FRAS1: variants seen among roughly 807,000 people sequenced by gnomAD.
The protein encoded by FRAS1 is Fraser extracellular matrix complex subunit 1, also known as extracellular matrix organizing protein FRAS1.
In FRAS1, 290 loss-of-function variants were observed where a neutral mutation model predicts 435.2. The ratio of observed to expected loss-of-function variants is 0.67; its 90% CI spans 0.61 to 0.73. FRAS1 has a LOEUF of 0.73. Ranked by LOEUF, FRAS1 falls within the 30% of genes least tolerant of loss-of-function variation. The pLI is 0.00. For missense variants in FRAS1, 4,860 were observed against 5,001.5 expected (o/e 0.97, Z 0.85); for synonymous variants, 1,800 against 1,851.0 (o/e 0.97, Z 0.71).
At position 78,341,131 on chromosome 4, in the gene FRAS1, A is replaced by T. The variant is rs186774856; in HGVS notation, c.2422+3314A>T. On this transcript the variant is annotated intron_variant, in intron 20 of 73. Transcript: ENST00000512123. ...GGAGTGTGTGTATGTGAGTGTGTGG[A>T]GTGGGTATGAAAGCTTTCCGGAGGA... Among the ~76,000 whole-genome samples, 3 of 152,228 alleles carry T rather than the reference A, an allele frequency of 2.0e-5. No homozygotes were observed. The East Asian group carries it at 5.8e-4, about 29-fold the overall frequency.
chr4:78,307,677 G>A (rs1445247460), intron 14 of FRAS1, among the ~76,000 whole-genome samples: 2 of 152,230 alleles, frequency 1.3e-5, no homozygotes, highest in African/African-American at 2.4e-5. Flanking sequence ...GACCCCTTGC[G>A]CTTCCCAGGT....
chr4:78,482,514 A>T lies in FRAS1; in HGVS notation c.8731A>T (p.Ile2911Phe). The change falls in exon 58 of 74, where the codon ATT becomes TTT. Residue 2911 changes from isoleucine to phenylalanine, a missense_variant. Physicochemically the swap from Ile to Phe is conservative, Grantham distance 21 (BLOSUM62 0). Coordinates refer to ENST00000512123, the MANE Select transcript of FRAS1 (RefSeq NM_025074.7). ...CAAACCCTTCCAGGCAGTCATTGCA[A>T]TTAATGACACATTCCAAGATGGTAA... is the stretch of plus-strand genomic sequence containing the variant. ...LTKPFQAVIA[I>F]NDTFQDVPSM... 1.2e-6 allele frequency: 2 copies of T among 1,613,854 alleles called. No homozygotes were observed. The highest frequency in any genetic ancestry group is 1.7e-6 in the Non-Finnish European group (2 of 1,179,824).
intron 2 of FRAS1, among the ~76,000 whole-genome samples, chr4:78,126,011 C>G (rs1719331599): frequency 2.0e-5 from 3 of 152,314 alleles, no homozygotes; most frequent in East Asian, 3.9e-4. Flanking sequence ...AGGCAGTAGG[C>G]CTTGCTGAGC....
chr4:78,540,450 T>C, intron 73 of FRAS1, 81 bp from the exon 74 acceptor site: 1 of 824,276 alleles, frequency 1.2e-6, no homozygotes. Flanking sequence ...TCAAGGCATA[T>C]AGTGGCAATT....
intron 2 of FRAS1, among the ~76,000 whole-genome samples, chr4:78,189,138 T>A (rs1722416576): frequency 6.6e-6 from 1 of 152,212 alleles, no homozygotes; most frequent in South Asian, 2.1e-4. Flanking sequence ...TCTGACATAT[T>A]TACCTGTAAG....
At chr4:78,260,023 T>G (rs568778197) in intron 6 of FRAS1, among the ~76,000 whole-genome samples, 3 of 152,156 alleles carry the variant, frequency 2.0e-5, no homozygotes, top group African/African-American at 7.2e-5. Context: ...GTTGTAGATA[T>G]GCGGAGTTAT....
intron 2 of FRAS1, among the ~76,000 whole-genome samples, chr4:78,114,411 T>C (rs1248112246): frequency 6.6e-6 from 1 of 152,224 alleles, no homozygotes; most frequent in Non-Finnish European, 1.5e-5. Context: ...ATCTATAAAT[T>C]ACCTTGGGAA....
chr4:78,422,961 G>C lies in FRAS1; in HGVS notation c.4678+961G>C, dbSNP rs989028. 9.1e-3 allele frequency among the ~76,000 whole-genome samples: 1,377 copies of C among 151,836 alleles called. 21 individuals are homozygous for C. Among genetic ancestry groups the C allele is most frequent in the African/African-American group, 0.032 (1,320 of 41,372 alleles). ...CCTTTTTAATGGAAGGAAAGTCTGA[G>C]TGGAAGAATAACTAAGTTTCTCATT... On this transcript the variant is annotated intron_variant, in intron 34 of 73. Transcript: ENST00000512123.
chr4:78,363,380 A>G (rs1202082155), intron 20 of FRAS1, 133 bp from the exon 21 acceptor site: 26 of 849,320 alleles, frequency 3.1e-5, no homozygotes, highest in Non-Finnish European at 4.0e-5. Flanking sequence ...ACTGATATAC[A>G]CTGCCTTTGG....
chr4:78,303,175 C>T lies in FRAS1; in HGVS notation c.1535-4891C>T, dbSNP rs527570007. On this transcript the variant is annotated intron_variant, in intron 14 of 73. Transcript: ENST00000512123. ...CAAAGATAAGATAGTTGTAGATATG[C>T]GGCATTATTTCTGAGGGCTCTGTTC... is the stretch of plus-strand genomic sequence containing the variant. 2.7e-4 allele frequency among the ~76,000 whole-genome samples: 41 copies of T among 152,110 alleles called. No individual in the cohort carries two copies. In the South Asian group the frequency reaches 7.1e-3, roughly 26 times the overall value.
At chr4:78,460,897 A>C (rs1431061639) in intron 47 of FRAS1, among the ~76,000 whole-genome samples, 6 of 152,222 alleles carry the variant, frequency 3.9e-5, no homozygotes, top group Non-Finnish European at 8.8e-5. Flanking sequence ...TGCTCAATAG[A>C]ACCTCTTAGG....
intron 30 of FRAS1, among the ~76,000 whole-genome samples, chr4:78,403,174 C>T (rs1732963851): frequency 6.6e-6 from 1 of 152,030 alleles, no homozygotes; most frequent in African/African-American, 2.4e-5. Flanking sequence ...AATTCTCTAC[C>T]TTTATCTTCA....
chr4:78,317,533 T>G (rs768784641), intron 17 of FRAS1, 25 bp downstream of exon 17: 1 of 1,596,530 alleles, frequency 6.3e-7, no homozygotes, highest in Non-Finnish European at 8.5e-7. Flanking sequence ...ACCATCATTC[T>G]TGAGAGGCTA....
rs1283663059 is a variant in FRAS1, at chr4:78,442,112, G to C, written c.5665+815G>C. ...GTGTCTGGGGCCAGCATGGGGCCTG[G>C]GATTTCAGCCTGGTAACCAGAAATT... is the stretch of plus-strand genomic sequence containing the variant. On this transcript the variant is annotated intron_variant, in intron 41 of 73. Transcript: ENST00000512123. 2.0e-5 allele frequency among the ~76,000 whole-genome samples: 3 copies of C among 152,188 alleles called. No homozygotes were observed. The East Asian group carries it at 5.8e-4, about 29-fold the overall frequency.
At chr4:78,508,539 A>G (rs28570979) in intron 62 of FRAS1, among the ~76,000 whole-genome samples, 192 bp from the exon 63 acceptor site, 49,970 of 152,092 alleles carry the variant, frequency 0.33, 8,935 homozygotes, top group South Asian at 0.52. Flanking sequence ...CCAGTAGAAG[A>G]ATCTTCTCCA....
Position 78,364,064 on chromosome 4 carries a change from T to C in FRAS1, c.2722+10T>C, listed in dbSNP as rs748782589. On this transcript the variant is annotated intron_variant, in intron 22 of 73. Coordinates refer to ENST00000512123, the MANE Select transcript of FRAS1 (RefSeq NM_025074.7). ...AATCATGTTTGCCAGCGTAGGTTTT[T>C]CCAATGAACCTTCTCTCCTTTCCTT... 8 of 1,569,950 alleles carry C rather than the reference T, an allele frequency of 5.1e-6. No individual in the cohort carries two copies. Among genetic ancestry groups the C allele is most frequent in the South Asian group, 2.3e-5 (2 of 85,372 alleles).
intron 12 of FRAS1, 61 bp downstream of exon 12, chr4:78,283,028 C>G: frequency 1.6e-6 from 2 of 1,251,466 alleles, no homozygotes; most frequent in Non-Finnish European, 2.1e-6. Flanking sequence ...GCTCAGAGAT[C>G]CTCTTCCCCA....
chr4:78,428,050 C>T (rs1448465422), intron 35 of FRAS1, among the ~76,000 whole-genome samples: 2 of 152,152 alleles, frequency 1.3e-5, no homozygotes, highest in African/African-American at 2.4e-5. Flanking sequence ...ATGCAAATAT[C>T]CCTCCAAAAC....
chr4:78,419,962 T>C (rs1170302487), intron 33 of FRAS1, among the ~76,000 whole-genome samples: 1 of 152,164 alleles, frequency 6.6e-6, no homozygotes, highest in African/African-American at 2.4e-5. Context: ...CATTAGAGAC[T>C]GCACCTGTGA....
Sources: gnomAD v4.1 joint callset for allele counts (sites outside exome capture counted in the v4.1 genomes callset) on GRCh38, gnomAD v4.1.1 for gene constraint, MANE v1.5 for transcripts, NCBI Gene and HGNC (gene_info 2026-07-23, HGNC 2026-07-21) for gene names.